Variants in MALRD1 observed in about 807,000 individuals in gnomAD.
MALRD1 encodes the protein MAM and LDL-receptor class A domain-containing protein 1.
MALRD1 carries 247 observed loss-of-function variants against 242.1 expected under a neutral mutation model. The ratio of observed to expected loss-of-function variants is 1.02; its 90% CI spans 0.92 to 1.13. The LOEUF is 1.13. Ranked by LOEUF, MALRD1 falls within the 50% of genes most tolerant of loss-of-function variation. The pLI is 0.00. For missense variants in MALRD1, 2,989 were observed against 2,533.1 expected (o/e 1.18, Z -3.86); for synonymous variants, 995 against 866.6 (o/e 1.15, Z -2.60).
At chr10:19,505,685 A>G (rs1833088431) in intron 31 of MALRD1, among the ~76,000 whole-genome samples, 1 of 152,220 alleles carries the variant, frequency 6.6e-6, no homozygotes, top group African/African-American at 2.4e-5. Flanking sequence ...GACCACTTGG[A>G]GGAATAGGGA....
chr10:19,632,819 G>T (rs1399988554), intron 36 of MALRD1, among the ~76,000 whole-genome samples: 1 of 152,132 alleles, frequency 6.6e-6, no homozygotes, highest in East Asian at 1.9e-4. Flanking sequence ...TTAAGTGAAT[G>T]TTTAGATTAA....
In MALRD1 at chr10:19,668,150, C is replaced by T. The variant is rs74765041; in HGVS notation, c.6138-24132C>T. ...AGAAATAAATTTAGGGAGATACAAACGTTCAGACCATAGCACCCAAGAATT... is the reference window on the plus strand; with the variant it reads ...AGAAATAAATTTAGGGAGATACAAATGTTCAGACCATAGCACCCAAGAATT... On this transcript the variant is annotated intron_variant, in intron 36 of 39. Coordinates refer to ENST00000454679, the MANE Select transcript of MALRD1 (RefSeq NM_001142308.3). Among the ~76,000 whole-genome samples, 1,146 of 152,226 alleles carry T rather than the reference C, an allele frequency of 7.5e-3. 14 individuals are homozygous for T. The highest frequency in any genetic ancestry group is 0.026 in the African/African-American group (1,091 of 41,540).
At chr10:19,291,052 T>G (rs2131919531) in intron 21 of MALRD1, among the ~76,000 whole-genome samples, 1 of 152,350 alleles carries the variant, frequency 6.6e-6, no homozygotes, top group African/African-American at 2.4e-5. Context: ...CAATTCATTT[T>G]TATTGCTGGA....
chr10:19,382,960 T>C (rs1162801495), intron 26 of MALRD1, among the ~76,000 whole-genome samples: 1 of 152,182 alleles, frequency 6.6e-6, no homozygotes, highest in East Asian at 1.9e-4. Context: ...ATTTATTAAA[T>C]GTTTTATGCA....
chr10:19,657,272 A>G (rs922013974), intron 36 of MALRD1, among the ~76,000 whole-genome samples: 9 of 152,092 alleles, frequency 5.9e-5, no homozygotes, highest in Non-Finnish European at 1.3e-4. Flanking sequence ...TTGAATTTTT[A>G]TTCTTTGTTG....
At chr10:19,606,462 C>T (rs1380428688) in intron 34 of MALRD1, among the ~76,000 whole-genome samples, 1 of 152,112 alleles carries the variant, frequency 6.6e-6, no homozygotes, top group Admixed American at 6.6e-5. Flanking sequence ...TCTACTGCTG[C>T]CTTTGACATA....
At chr10:19,180,811 C>T (rs1233764706) in intron 14 of MALRD1, among the ~76,000 whole-genome samples, 1 of 152,022 alleles carries the variant, frequency 6.6e-6, no homozygotes, top group East Asian at 1.9e-4. Flanking sequence ...TATTTGCAAA[C>T]CATATATCTG....
intron 21 of MALRD1, among the ~76,000 whole-genome samples, chr10:19,283,915 C>G (rs1840956887): frequency 6.6e-6 from 1 of 152,140 alleles, no homozygotes; most frequent in South Asian, 2.1e-4. Flanking sequence ...AACAGATGAT[C>G]CTTGCTCTCA....
intron 2 of MALRD1, among the ~76,000 whole-genome samples, chr10:19,071,757 G>A (rs1357883133): frequency 6.6e-6 from 1 of 152,044 alleles, no homozygotes; most frequent in Non-Finnish European, 1.5e-5. Context: ...CTTTTATTAA[G>A]AAGAAACTGT....
intron 24 of MALRD1, 151 bp from the exon 25 acceptor site, chr10:19,347,620 A>G (rs1844189503): frequency 2.1e-6 from 2 of 939,896 alleles, no homozygotes; most frequent in Non-Finnish European, 1.5e-6. Flanking sequence ...ATCGCAAACC[A>G]AAATAGTCTC....
At chr10:19,165,153 A>G (rs1387447435) in intron 12 of MALRD1, among the ~76,000 whole-genome samples, 2 of 150,334 alleles carry the variant, frequency 1.3e-5, no homozygotes, top group Admixed American at 6.6e-5. Flanking sequence ...GGAAACTTCC[A>G]TGGAAACAGT....
chr10:19,468,318 A>G (rs1011810542), intron 29 of MALRD1, among the ~76,000 whole-genome samples: 5 of 152,170 alleles, frequency 3.3e-5, no homozygotes, highest in African/African-American at 1.2e-4. Context: ...TTTAAATATA[A>G]GCATAGTCCA....
chr10:19,216,985 T>A (rs368951567), intron 18 of MALRD1, among the ~76,000 whole-genome samples: 1 of 149,556 alleles, frequency 6.7e-6, no homozygotes, highest in African/African-American at 2.5e-5. Context: ...TTAAAAAAAA[T>A]GATGTGGAGA....
intron 32 of MALRD1, among the ~76,000 whole-genome samples, chr10:19,536,292 G>A (rs1161225510): frequency 6.6e-6 from 1 of 151,568 alleles, no homozygotes; most frequent in Non-Finnish European, 1.5e-5. Flanking sequence ...CCGCAATTAG[G>A]CCATGCTTCC....
intron 1 of MALRD1, among the ~76,000 whole-genome samples, chr10:19,052,845 A>G (rs1293904287): frequency 1.3e-5 from 2 of 152,188 alleles, no homozygotes; most frequent in African/African-American, 2.4e-5. Context: ...TAAGGAATTC[A>G]GGGCTTTTGG....
intron 5 of MALRD1, among the ~76,000 whole-genome samples, chr10:19,106,473 C>A (rs931635770): frequency 2.0e-5 from 3 of 151,598 alleles, no homozygotes; most frequent in African/African-American, 7.3e-5. Flanking sequence ...TTCTGTGCAA[C>A]CAGTCATAAT....
At chr10:19,539,897 T>TGTGC (rs1365113182) in intron 32 of MALRD1, among the ~76,000 whole-genome samples, 29 of 44,418 alleles carry the variant, frequency 6.5e-4, no homozygotes, top group African/African-American at 1.7e-3. Context: ...TGTGTGTGTG[T>TGTGC]GCGCGCGCGC....
intron 34 of MALRD1, among the ~76,000 whole-genome samples, chr10:19,601,967 T>G (rs1379519651): frequency 6.6e-6 from 1 of 152,030 alleles, no homozygotes. Context: ...TTTGTGTATA[T>G]ATACACAAAT....
chr10:19,124,709 G>C, intron 7 of MALRD1, 39 bp downstream of exon 7: 1 of 1,230,224 alleles, frequency 8.1e-7, no homozygotes, highest in Non-Finnish European at 1.0e-6. Context: ...ATTACTTTCA[G>C]AATTCTGCTT....
Sources: allele counts gnomAD v4.1 joint callset (sites outside exome capture counted in the v4.1 genomes callset), GRCh38; gene constraint gnomAD v4.1.1; transcripts MANE v1.5; gene names NCBI Gene and HGNC (gene_info 2026-07-23, HGNC 2026-07-21).